Variants in GPR89B observed in about 807,000 individuals in gnomAD.
GPR89B encodes G protein-coupled receptor 89B.
In GPR89B, 25 loss-of-function variants were observed where a neutral mutation model predicts 52.4. The ratio of observed to expected loss-of-function variants is 0.48; its 90% CI spans 0.35 to 0.67. GPR89B has a LOEUF of 0.67. Among genes scored for constraint, GPR89B ranks in the 30% least tolerant of loss-of-function variants. GPR89B has a pLI of 0.01. For missense variants in GPR89B, 146 were observed against 450.2 expected (o/e 0.32, Z 6.11); for synonymous variants, 52 against 151.2 (o/e 0.34, Z 4.81).
chr1:148,020,734 T>C, the GPR89B span, among the ~76,000 whole-genome samples: 5 of 152,068 alleles, frequency 3.3e-5, no homozygotes, highest in Non-Finnish European at 7.3e-5. Flanking sequence ...GCCCCCCAGA[T>C]TGGAGTGCAG....
Position 147,940,651 on chromosome 1 carries a change from T to C in GPR89B, c.206+1834T>C, listed in dbSNP as rs1335156487. Among the ~76,000 whole-genome samples, 3 of 152,200 alleles carry C rather than the reference T, an allele frequency of 2.0e-5. No individual in the cohort carries two copies. In the East Asian group the frequency reaches 5.8e-4, roughly 29 times the overall value. ...TATCACAAGTACTCAGCTCTGCTGTTGTAGAGCGAAAGCAGTCATAGGCAA... is the reference window on the plus strand; with the variant it reads ...TATCACAAGTACTCAGCTCTGCTGTCGTAGAGCGAAAGCAGTCATAGGCAA... On this transcript the variant is annotated intron_variant, in intron 3 of 13. Transcript: ENST00000314163.
Position 147,928,438 on chromosome 1 carries a change from C to G in GPR89B, c.-99C>G. On this transcript the variant is annotated 5_prime_UTR_variant, in exon 1 of 14. Coordinates refer to ENST00000314163, the MANE Select transcript of GPR89B (RefSeq NM_016334.5). ...GAGAGCCGCAGTCCCGGCTGCAGCACCTGGGAGAAGGCAGACCGTGTGAGG... is the reference window on the plus strand; with the variant it reads ...GAGAGCCGCAGTCCCGGCTGCAGCAGCTGGGAGAAGGCAGACCGTGTGAGG... 2 of 1,451,362 alleles carry G rather than the reference C, an allele frequency of 1.4e-6. No individual in the cohort carries two copies. Among genetic ancestry groups the G allele is most frequent in the African/African-American group, 1.4e-5 (1 of 70,962 alleles). The allele number at this position is 1,451,362 out of a possible 1,614,324, so 89.9% of individuals were successfully genotyped here. A position where few individuals can be genotyped will look rare whatever the true frequency, so the allele number is the denominator to read the frequency against.
At chr1:147,978,832 G>A (rs1658031495) in intron 10 of GPR89B, among the ~76,000 whole-genome samples, 1 of 151,426 alleles carries the variant, frequency 6.6e-6, no homozygotes, top group Non-Finnish European at 1.5e-5. Flanking sequence ...GCACTGGCAG[G>A]GGAAAAGGGC....
chr1:148,015,293 ATCTCTCTCTCTCTCTC>A, the GPR89B span, among the ~76,000 whole-genome samples: 12 of 69,888 alleles, frequency 1.7e-4, no homozygotes, highest in African/African-American at 2.6e-4. Flanking sequence ...GGATTCTAGG[ATCTCTCTCTCTCTCTC>A]TCTCTCTCTC....
chr1:147,966,201 A>G (rs2149073926), intron 7 of GPR89B, among the ~76,000 whole-genome samples: 1 of 152,076 alleles, frequency 6.6e-6, no homozygotes, highest in South Asian at 2.1e-4. Context: ...TAATTAAACT[A>G]TGTATAGCGC....
At chr1:147,937,533 G>A (rs587716373) in intron 2 of GPR89B, among the ~76,000 whole-genome samples, 8 of 152,188 alleles carry the variant, frequency 5.3e-5, no homozygotes, top group South Asian at 2.1e-4. Context: ...TATCTCAACC[G>A]CATAAGACAG....
downstream of GPR89B, chr1:147,995,568 TC>T: frequency 6.2e-7 from 1 of 1,600,680 alleles, no homozygotes; most frequent in Non-Finnish European, 8.5e-7. Context: ...GTAAATTAGA[TC>T]ATGAAAAGAA....
chr1:148,019,391 G>A, the GPR89B span, among the ~76,000 whole-genome samples: 1 of 151,468 alleles, frequency 6.6e-6, no homozygotes, highest in Non-Finnish European at 1.5e-5. Context: ...TGGGGTTAGG[G>A]GGCAAGGACA....
chr1:147,985,162 A>T, intron 10 of GPR89B, among the ~76,000 whole-genome samples: 1 of 152,154 alleles, frequency 6.6e-6, no homozygotes, highest in Non-Finnish European at 1.5e-5. Context: ...AAACATTTAG[A>T]ATCATTGTGT....
At chr1:147,954,594 G>T (rs1280916275) in intron 7 of GPR89B, among the ~76,000 whole-genome samples, 192 bp downstream of exon 7, 1 of 151,694 alleles carries the variant, frequency 6.6e-6, no homozygotes, top group Non-Finnish European at 1.5e-5. Flanking sequence ...ACGACGGGGG[G>T]ATCATTTGAG....
At chr1:148,010,023 T>A in the GPR89B span, 1 of 174,624 alleles carries the variant, frequency 5.7e-6, no homozygotes, top group Admixed American at 5.6e-5. Context: ...ACCATCAGTG[T>A]TCCATGTAGT....
the GPR89B span, among the ~76,000 whole-genome samples, chr1:148,020,281 T>C: frequency 6.8e-6 from 1 of 147,008 alleles, no homozygotes; most frequent in African/African-American, 2.6e-5. Context: ...TAAGGCTTTT[T>C]CAAGTCAGCT....
chr1:148,013,379 T>C, the GPR89B span, among the ~76,000 whole-genome samples: 2 of 152,108 alleles, frequency 1.3e-5, no homozygotes, highest in Non-Finnish European at 1.5e-5. Flanking sequence ...CTGATGTTGG[T>C]AGAGACGCTG....
At chr1:147,996,065 C>T (rs1211679430), downstream of GPR89B, among the ~76,000 whole-genome samples, 1 of 152,102 alleles carries the variant, frequency 6.6e-6, no homozygotes, top group African/African-American at 2.4e-5. Flanking sequence ...AAGGCTATAA[C>T]TTCCATATTC....
chr1:148,011,760 T>G, the GPR89B span: 1 of 152,242 alleles, frequency 6.6e-6, no homozygotes, highest in Non-Finnish European at 1.5e-5. Context: ...CCGGGAGGGA[T>G]TCTGTGTCCC....
chr1:147,947,333 CAAAA>C (rs1167267658), intron 5 of GPR89B, among the ~76,000 whole-genome samples: 3 of 73,596 alleles, frequency 4.1e-5, no homozygotes, highest in South Asian at 4.3e-4. Context: ...GCGAGACTCT[CAAAA>C]AAAAAAAAAA....
chr1:147,986,160 T>C, intron 10 of GPR89B, 39 bp from the exon 11 acceptor site: 2 of 1,609,998 alleles, frequency 1.2e-6, no homozygotes, highest in South Asian at 2.2e-5. Flanking sequence ...AGTAAGTGAT[T>C]GTTAAGATGC....
At chr1:147,964,284 CAG>C (rs1182952901) in intron 7 of GPR89B, among the ~76,000 whole-genome samples, 11 of 152,038 alleles carry the variant, frequency 7.2e-5, no homozygotes, top group African/African-American at 2.2e-4. Context: ...CTAGAAACAA[CAG>C]AGACCAGAAA....
intron 7 of GPR89B, among the ~76,000 whole-genome samples, chr1:147,962,384 G>A (rs2796980): frequency 8.1e-5 from 12 of 148,528 alleles, no homozygotes; most frequent in Non-Finnish European, 1.6e-4. Context: ...AGATTGCTCC[G>A]CTGCCCTCCA....
Sources: allele counts gnomAD v4.1 joint callset (sites outside exome capture counted in the v4.1 genomes callset), GRCh38; gene constraint gnomAD v4.1.1; transcripts MANE v1.5; gene names NCBI Gene and HGNC (gene_info 2026-07-23, HGNC 2026-07-21).